TNIK: variants seen among roughly 807,000 people sequenced by gnomAD.
The protein encoded by TNIK is TRAF2 and NCK-interacting protein kinase.
A neutral mutation model predicts 191.3 loss-of-function variants in TNIK; 49 were observed. The observed-to-expected ratio is 0.26, with a 90% CI of 0.20 to 0.32. The LOEUF is 0.32. Among genes scored for constraint, TNIK ranks in the 10% least tolerant of loss-of-function variants. TNIK has a pLI of 1.00. For synonymous variants in TNIK, 594 were observed against 600.9 expected, an observed-to-expected ratio of 0.99 and a Z score of 0.17; for missense variants, 1,155 against 1,702.3, an observed-to-expected ratio of 0.68 and a Z score of 5.66.
intron 2 of TNIK, among the ~76,000 whole-genome samples, chr3:171,344,292 T>G (rs889123584): frequency 3.3e-5 from 5 of 152,170 alleles, no homozygotes; most frequent in Non-Finnish European, 7.3e-5. Context: ...TGAGATTGCT[T>G]GCAAACTCCA....
chr3:171,352,393 T>A (rs1713356355), intron 2 of TNIK, among the ~76,000 whole-genome samples: 1 of 152,222 alleles, frequency 6.6e-6, no homozygotes, highest in Admixed American at 6.5e-5. Context: ...TACATAACTT[T>A]AAAGGCATCC....
intron 2 of TNIK, among the ~76,000 whole-genome samples, chr3:171,327,725 T>A (rs1386881043): frequency 2.0e-5 from 3 of 151,986 alleles, no homozygotes; most frequent in Middle Eastern, 3.4e-3. Context: ...GTGTGTAATG[T>A]GTTACCGCAG....
At chr3:171,391,333 A>T (rs563856424) in intron 1 of TNIK, among the ~76,000 whole-genome samples, 1 of 152,292 alleles carries the variant, frequency 6.6e-6, no homozygotes, top group African/African-American at 2.4e-5. Flanking sequence ...AATTATTTTG[A>T]GCTAAAGGCA....
chr3:171,451,083 TGTTA>T (rs1728114663), intron 1 of TNIK, among the ~76,000 whole-genome samples: 1 of 152,138 alleles, frequency 6.6e-6, no homozygotes, highest in South Asian at 2.1e-4. Context: ...TGCCTTCTGG[TGTTA>T]GTTAATATTC....
intron 10 of TNIK, among the ~76,000 whole-genome samples, chr3:171,165,765 C>A (rs753206831): frequency 3.3e-5 from 5 of 152,106 alleles, no homozygotes; most frequent in Non-Finnish European, 7.4e-5. Context: ...CTCTACTGTC[C>A]ACTCACCACA....
chr3:171,395,183 A>C (rs766742283), intron 1 of TNIK, among the ~76,000 whole-genome samples: 15 of 152,190 alleles, frequency 9.9e-5, no homozygotes, highest in Non-Finnish European at 1.8e-4. Context: ...AGTAAAAGCT[A>C]ATATGGCATA....
At position 171,435,963 on chromosome 3, in the gene TNIK, G is replaced by A. The variant is rs144623261; in HGVS notation, c.57+24044C>T. ...CTTGTTCTGGAGTGGGGGCAGTAGGGCAGGAAAGCATGGAAGGAACACAAA... is the reference window on the plus strand; with the variant it reads ...CTTGTTCTGGAGTGGGGGCAGTAGGACAGGAAAGCATGGAAGGAACACAAA... On this transcript the variant is annotated intron_variant, in intron 1 of 32. Coordinates refer to ENST00000436636, the MANE Select transcript of TNIK (RefSeq NM_015028.4). Among the ~76,000 whole-genome samples, 12 of 152,262 alleles carry A rather than the reference G, an allele frequency of 7.9e-5. No homozygotes were observed. In the East Asian group the frequency reaches 2.3e-3, roughly 29 times the overall value.
chr3:171,073,298 GA>G (rs1222932463), intron 28 of TNIK, among the ~76,000 whole-genome samples: 2 of 151,902 alleles, frequency 1.3e-5, no homozygotes, highest in African/African-American at 4.8e-5. Context: ...AAACAATGAG[GA>G]AAGGACACCC....
At chr3:171,083,830 T>A (rs980186440) in intron 26 of TNIK, among the ~76,000 whole-genome samples, 1 of 152,172 alleles carries the variant, frequency 6.6e-6, no homozygotes, top group Admixed American at 6.5e-5. Context: ...TCGCCTCTGA[T>A]TGATCACATT....
At chr3:171,169,946 TGA>T (rs1251374276) in intron 9 of TNIK, among the ~76,000 whole-genome samples, 1 of 152,174 alleles carries the variant, frequency 6.6e-6, no homozygotes, top group African/African-American at 2.4e-5. Flanking sequence ...TTACTTAAAA[TGA>T]GTCTTCAAAG....
intron 15 of TNIK, among the ~76,000 whole-genome samples, chr3:171,134,978 G>C (rs996570207): frequency 6.6e-6 from 1 of 152,204 alleles, no homozygotes; most frequent in Admixed American, 6.5e-5. Flanking sequence ...GATTACAGAA[G>C]AGGTTGCAGT....
chr3:171,128,389 G>A (rs577852561), intron 16 of TNIK, among the ~76,000 whole-genome samples: 1 of 152,240 alleles, frequency 6.6e-6, no homozygotes, highest in East Asian at 1.9e-4. Flanking sequence ...ACACCTCAAA[G>A]TTTCTATGAA....
At chr3:171,398,685 G>C (rs915383362) in intron 1 of TNIK, among the ~76,000 whole-genome samples, 2 of 152,164 alleles carry the variant, frequency 1.3e-5, no homozygotes, top group Admixed American at 1.3e-4. Flanking sequence ...AAGGATAACT[G>C]TCTATGCAGC....
intron 4 of TNIK, among the ~76,000 whole-genome samples, chr3:171,195,124 G>T (rs146924608): frequency 6.6e-6 from 1 of 152,130 alleles, no homozygotes; most frequent in African/African-American, 2.4e-5. Flanking sequence ...TAACTTCAGC[G>T]AATGTTCCCA....
At chr3:171,093,363 ATAACT>A (rs552014585) in intron 23 of TNIK, among the ~76,000 whole-genome samples, 88 of 152,358 alleles carry the variant, frequency 5.8e-4, no homozygotes, top group South Asian at 1.4e-3. Context: ...TTTCAATAAA[ATAACT>A]TAACGGTTGT....
intron 1 of TNIK, among the ~76,000 whole-genome samples, chr3:171,443,530 C>T (rs921433549): frequency 2.0e-5 from 3 of 152,080 alleles, no homozygotes; most frequent in Admixed American, 6.6e-5. Flanking sequence ...AGTTAGTATT[C>T]CCGATTTAAA....
At chr3:171,445,200 C>T (rs1727338000) in intron 1 of TNIK, among the ~76,000 whole-genome samples, 1 of 151,988 alleles carries the variant, frequency 6.6e-6, no homozygotes, top group Admixed American at 6.6e-5. Flanking sequence ...GAGGCTGAGG[C>T]AGGCAGATCC....
rs751302477 is a variant in TNIK, at chr3:171,082,369, T to C, written c.3195A>G (p.Glu1065=). 6.2e-7 allele frequency: 1 copy of C among 1,613,904 alleles called. No individual in the cohort carries two copies. The highest frequency in any genetic ancestry group is 8.5e-7 in the Non-Finnish European group (1 of 1,179,824). Residue 1065 remains glutamate, a synonymous_variant, in exon 27 of 33, where the codon GAA becomes GAG. Coordinates refer to ENST00000436636, the MANE Select transcript of TNIK (RefSeq NM_015028.4). The part of the protein sequence containing the change: ...LWGVNLLVGT[E]NGLMLLDRSG... The stretch of plus-strand genomic sequence containing the variant: ...TTCGGTCCAAAAGCATCAGGCCATT[T>C]TCAGTCCCCACCAGAAGGTTTACAC...
chr3:171,088,031 G>A (rs1052556969), intron 23 of TNIK, among the ~76,000 whole-genome samples: 6 of 152,112 alleles, frequency 3.9e-5, no homozygotes, highest in African/African-American at 9.7e-5. Context: ...TCAAAACAAT[G>A]ATTAATCAGA....
Sources: gnomAD v4.1 joint callset for allele counts (sites outside exome capture counted in the v4.1 genomes callset) on GRCh38, gnomAD v4.1.1 for gene constraint, MANE v1.5 for transcripts, NCBI Gene and HGNC (gene_info 2026-07-23, HGNC 2026-07-21) for gene names.